Variants in CC2D2B observed in about 807,000 individuals in gnomAD.
The protein encoded by CC2D2B is coiled-coil and C2 domain containing 2B.
Under a neutral mutation model 161.2 loss-of-function variants are expected in CC2D2B, and 128 were observed. The ratio of observed to expected loss-of-function variants is 0.79; its 90% CI spans 0.69 to 0.92. The LOEUF (loss-of-function observed/expected upper bound fraction) is 0.92, where lower values mean the gene tolerates loss of function less well. Ranked by LOEUF, CC2D2B falls within the 40% of genes least tolerant of loss-of-function variation. The pLI, the probability that CC2D2B is intolerant of heterozygous loss-of-function variation, is 0.00. For synonymous variants in CC2D2B, 391 were observed against 449.8 expected (o/e 0.87, Z 1.65); for missense variants, 1,173 against 1,375.1 (o/e 0.85, Z 2.32).
At chr10:95,920,685 C>G (rs1216090313) in intron 2 of CC2D2B, 1 of 152,154 alleles carries the variant, frequency 6.6e-6, no homozygotes. Context: ...GGGTCTCGCC[C>G]AAGGTCGTGG....
At chr10:96,000,566 A>G (rs1401668897) in intron 24 of CC2D2B, among the ~76,000 whole-genome samples, 1 of 151,998 alleles carries the variant, frequency 6.6e-6, no homozygotes, top group Non-Finnish European at 1.5e-5. Flanking sequence ...GGGTTTCACC[A>G]TGTTAGTCAG....
At chr10:95,927,967 C>G (rs987021966) in intron 6 of CC2D2B, among the ~76,000 whole-genome samples, 9 of 152,114 alleles carry the variant, frequency 5.9e-5, no homozygotes, top group African/African-American at 1.9e-4. Context: ...TTCCTGGACA[C>G]TTTCTTCAAT....
intron 9 of CC2D2B, among the ~76,000 whole-genome samples, chr10:95,947,005 T>A (rs1231469906): frequency 1.4e-5 from 2 of 148,048 alleles, no homozygotes; most frequent in Non-Finnish European, 3.0e-5. Flanking sequence ...CCCTCGTAAA[T>A]TGCATTACTG....
At chr10:96,029,281 TATATG>T in intron 34 of CC2D2B, among the ~76,000 whole-genome samples, 1 of 60,814 alleles carries the variant, frequency 1.6e-5, no homozygotes, top group Non-Finnish European at 3.1e-5. Flanking sequence ...TATATATATA[TATATG>T]TATATATATA....
In CC2D2B at chr10:95,995,253, A is replaced by C. The variant is rs767270514; in HGVS notation, c.2643-16A>C. ...AACTAATTAAGGTGTATGTCTCTCT[A>C]TTGTTTTTCCTGAAGATCCTTGGAT... On this transcript the variant is annotated splice_polypyrimidine_tract_variant and intron_variant, in intron 22 of 34. Coordinates refer to ENST00000646931, the MANE Select transcript of CC2D2B (RefSeq NM_001349008.3). The C allele has an allele frequency of 2.8e-6, 4 of 1,442,876 alleles. No homozygotes were observed. In the South Asian group the frequency reaches 5.1e-5, roughly 19 times the overall value. 89.4% of individuals were successfully genotyped at this position (1,442,876 alleles called of 1,614,324 possible).
intron 25 of CC2D2B, among the ~76,000 whole-genome samples, chr10:96,009,213 T>G (rs2078883943): frequency 6.6e-6 from 1 of 152,144 alleles, no homozygotes; most frequent in African/African-American, 2.4e-5. Flanking sequence ...CAGTTGAGTC[T>G]TGCTTTTTAA....
At chr10:95,937,203 G>A (rs1470997716) in intron 6 of CC2D2B, among the ~76,000 whole-genome samples, 2 of 152,084 alleles carry the variant, frequency 1.3e-5, no homozygotes, top group African/African-American at 2.4e-5. Flanking sequence ...AAGGAATTCT[G>A]TGATTAACTT....
At chr10:96,011,993 A>C (rs1395223341) in intron 26 of CC2D2B, among the ~76,000 whole-genome samples, 192 bp from the exon 27 acceptor site, 1 of 152,084 alleles carries the variant, frequency 6.6e-6, no homozygotes, top group Non-Finnish European at 1.5e-5. Flanking sequence ...GCAGGGACCC[A>C]AGGTGTCAAG....
chr10:95,913,512 C>A, intron 2 of CC2D2B: 1 of 289,036 alleles, frequency 3.5e-6, no homozygotes, highest in Non-Finnish European at 6.8e-6. Flanking sequence ...CATATGGTAG[C>A]TATATCTTCA....
chr10:95,969,634 T>G (rs2077053972), intron 15 of CC2D2B, among the ~76,000 whole-genome samples: 1 of 152,144 alleles, frequency 6.6e-6, no homozygotes, highest in Non-Finnish European at 1.5e-5. Context: ...GAGAATAATT[T>G]TATTCTCTCC....
At chr10:95,920,820 T>C (rs1046152821) in intron 2 of CC2D2B, 1 of 152,320 alleles carries the variant, frequency 6.6e-6, no homozygotes, top group Non-Finnish European at 1.5e-5. Context: ...TGGCCCGGTG[T>C]CCGTCTAAAA....
chr10:96,020,751 T>A (rs540027036), intron 32 of CC2D2B: 1 of 152,182 alleles, frequency 6.6e-6, no homozygotes, highest in South Asian at 2.1e-4. Flanking sequence ...ATAAAACAAT[T>A]GCTGGACATG....
intron 5 of CC2D2B, among the ~76,000 whole-genome samples, chr10:95,926,790 A>G (rs911616548): frequency 7.4e-6 from 1 of 134,776 alleles, no homozygotes; most frequent in Non-Finnish European, 1.6e-5. Context: ...TTCTAACTCC[A>G]TGAAAGATTG....
At chr10:96,006,944 T>C (rs544808906) in intron 25 of CC2D2B, among the ~76,000 whole-genome samples, 1 of 152,318 alleles carries the variant, frequency 6.6e-6, no homozygotes, top group South Asian at 2.1e-4. Flanking sequence ...TTGCTTCATA[T>C]ATAATTCGTA....
chr10:95,953,818 T>C (rs772796447), intron 10 of CC2D2B, among the ~76,000 whole-genome samples: 1 of 152,222 alleles, frequency 6.6e-6, no homozygotes, highest in Non-Finnish European at 1.5e-5. Context: ...GCTCTACTTA[T>C]GGAAGCTAAC....
intron 11 of CC2D2B, among the ~76,000 whole-genome samples, chr10:95,958,862 CAA>C (rs1185266629): frequency 2.0e-5 from 3 of 151,770 alleles, no homozygotes; most frequent in Non-Finnish European, 4.4e-5. Context: ...AATGAAATAA[CAA>C]AGAGATAAAC....
chr10:96,006,848 C>T (rs2078770459), intron 25 of CC2D2B, among the ~76,000 whole-genome samples: 1 of 152,118 alleles, frequency 6.6e-6, no homozygotes, highest in South Asian at 2.1e-4. Flanking sequence ...TATGCAGACT[C>T]ACCACATACA....
At chr10:95,914,588 T>C (rs1418743012) in intron 2 of CC2D2B, among the ~76,000 whole-genome samples, 1 of 152,196 alleles carries the variant, frequency 6.6e-6, no homozygotes, top group Non-Finnish European at 1.5e-5. Context: ...GTTCTTGTTA[T>C]AGTGAGTGAG....
chr10:96,010,561 T>C (rs539201621), intron 26 of CC2D2B, among the ~76,000 whole-genome samples: 19 of 152,216 alleles, frequency 1.2e-4, no homozygotes, highest in Admixed American at 1.2e-3. Flanking sequence ...GATAATGCTG[T>C]AGTGCTTTAA....
Sources: allele counts gnomAD v4.1 joint callset (sites outside exome capture counted in the v4.1 genomes callset), GRCh38; gene constraint gnomAD v4.1.1; transcripts MANE v1.5; gene names NCBI Gene and HGNC (gene_info 2026-07-23, HGNC 2026-07-21).